NOD1: variants seen among roughly 807,000 people sequenced by gnomAD.
NOD1 encodes nucleotide-binding oligomerization domain-containing protein 1.
Under a neutral mutation model 81.2 loss-of-function variants are expected in NOD1, and 70 were observed. The observed-to-expected ratio is 0.86, with a 90% CI of 0.71 to 1.05. The LOEUF is 1.05. NOD1 is among the 50% of genes least tolerant of loss of function. The probability of loss-of-function intolerance (pLI) is 0.00; values close to 1 mark genes in which losing one functional copy is unlikely to be tolerated. For synonymous variants in NOD1, 508 were observed against 526.9 expected (o/e 0.96, Z 0.49); for missense variants, 1,233 against 1,228.0 (o/e 1.00, Z -0.06).
At chr7:30,450,963 T>C (rs1329391168) in intron 6 of NOD1, among the ~76,000 whole-genome samples, 1 of 152,210 alleles carries the variant, frequency 6.6e-6, no homozygotes, top group Non-Finnish European at 1.5e-5. Flanking sequence ...GCATCTTCTT[T>C]TTCCAGATGA....
chr7:30,471,971 T>C (rs1788321018), intron 1 of NOD1, among the ~76,000 whole-genome samples: 2 of 152,212 alleles, frequency 1.3e-5, no homozygotes, highest in Admixed American at 6.5e-5. Context: ...TTCACTTTGT[T>C]TTGAGCCTCA....
intron 9 of NOD1, 137 bp from the exon 10 acceptor site, chr7:30,437,793 T>G: frequency 5.0e-6 from 3 of 594,574 alleles, no homozygotes; most frequent in Admixed American, 8.4e-5. Context: ...ATCTGTGGCC[T>G]GGACACTAAT....
chr7:30,451,204 T>G lies in NOD1; in HGVS notation c.2201+12A>C. The G allele has an allele frequency of 6.2e-7, 1 of 1,607,088 alleles. No homozygotes were observed. On this transcript the variant is annotated intron_variant, in intron 6 of 13. Transcript: ENST00000222823. The surrounding 1 kb of genome is among the most constrained non-coding windows in gnomAD (Gnocchi z 4.2). ...CGGCCCACCTGTTGCTCCCCTTGCCTGGCAGCCTCACCTGAGAACAGTGAG... is the reference window on the plus strand; with the variant it reads ...CGGCCCACCTGTTGCTCCCCTTGCCGGGCAGCCTCACCTGAGAACAGTGAG...
chr7:30,476,935 T>C (rs1788839093), intron 1 of NOD1, among the ~76,000 whole-genome samples: 1 of 152,220 alleles, frequency 6.6e-6, no homozygotes, highest in Non-Finnish European at 1.5e-5. Flanking sequence ...AAACTGCCAC[T>C]CCAGTGTCTA....
At chr7:30,429,828 G>A (rs932982446) in intron 12 of NOD1, among the ~76,000 whole-genome samples, 16 of 152,192 alleles carry the variant, frequency 1.1e-4, no homozygotes, top group Admixed American at 7.2e-4. Context: ...TCAGGAGATC[G>A]ATACCATCCT....
In NOD1 at chr7:30,452,581, G is replaced by A. The variant is rs1439428175; in HGVS notation, c.836C>T (p.Ala279Val). The A allele has an allele frequency of 6.2e-7, 1 of 1,613,520 alleles. No homozygotes were observed. The highest frequency in any genetic ancestry group is 1.1e-5 in the South Asian group (1 of 91,086). The change falls in exon 6 of 14, where the codon GCC becomes GTC. Residue 279 changes from alanine (A) to valine (V), a missense_variant. By Grantham distance (64) the Ala-to-Val change is moderately conservative (BLOSUM62 0). Coordinates refer to ENST00000222823, the MANE Select transcript of NOD1 (RefSeq NM_006092.4). ...FAFLLRFPHV[A>V]LFTFDGLDEL... The stretch of plus-strand genomic sequence containing the variant: ...GTCCAGGCCATCGAAGGTGAAGAGG[G>A]CCACGTGGGGGAAGCGCAGCAGGAA...
At chr7:30,466,430 C>T (rs1787699883) in intron 1 of NOD1, among the ~76,000 whole-genome samples, 1 of 152,006 alleles carries the variant, frequency 6.6e-6, no homozygotes, top group Non-Finnish European at 1.5e-5. Flanking sequence ...CAGCTCAGGC[C>T]CACAAATAAC....
chr7:30,430,150 C>T (rs2127990994), intron 12 of NOD1, among the ~76,000 whole-genome samples: 1 of 152,242 alleles, frequency 6.6e-6, no homozygotes, highest in African/African-American at 2.4e-5. Flanking sequence ...AGTTAAGAGG[C>T]TACCAACATG....
rs1307781074 is a variant in NOD1, at chr7:30,451,654, GT to G, written c.1762del (p.Thr588ProfsTer26). 4.3e-6 allele frequency: 7 copies of G among 1,613,864 alleles called. No homozygotes were observed. Among genetic ancestry groups the G allele is most frequent in the Non-Finnish European group, 1.7e-6 (2 of 1,180,052 alleles). On this transcript the variant is annotated frameshift_variant, in exon 6 of 14. Transcript: ENST00000222823. LOFTEE classifies it high-confidence loss of function. The surrounding 1 kb of genome is among the most constrained non-coding windows in gnomAD (Gnocchi z 4.2). Reference protein sequence around the residue: ...LFKNKDHFQFTNLFLCGLLSK... With the variant: ...LFKNKDHFQFXNLFLCGLLSK... ...CAACAGCCCGCACAGGAAGAGGTTGGTGAACTGGAAGTGATCCTTGTTCTTG... is the reference window on the plus strand; with the variant it reads ...CAACAGCCCGCACAGGAAGAGGTTGGGAACTGGAAGTGATCCTTGTTCTTG...
rs1331884295 is a variant in NOD1, at chr7:30,432,945, G to GA, written c.2705+150dup. On this transcript the variant is annotated intron_variant, in intron 12 of 13. Coordinates refer to ENST00000222823, the MANE Select transcript of NOD1 (RefSeq NM_006092.4). ...GCTTTTTGGAGTGGGGAGGAGGAGT[G>GA]AAAATGTTCTAGAATTAGGTGGTGA... 5.5e-5 allele frequency: 35 copies of GA among 637,618 alleles called. No homozygotes were observed. In the East Asian group the frequency reaches 9.4e-4, roughly 17 times the overall value. 39.5% of individuals were successfully genotyped at this position (637,618 alleles called of 1,614,324 possible).
intron 5 of NOD1, 90 bp downstream of exon 5, chr7:30,455,047 G>T: frequency 1.6e-6 from 2 of 1,264,834 alleles, no homozygotes; most frequent in Non-Finnish European, 1.1e-6. Flanking sequence ...TGCTTCCTGA[G>T]GTGGCACTCA....
In NOD1 at chr7:30,456,913, C is replaced by T. The variant is rs369740466; in HGVS notation, c.9G>A (p.Glu3=). 85 of 1,614,006 alleles carry T rather than the reference C, an allele frequency of 5.3e-5. No homozygotes were observed. The highest frequency in any genetic ancestry group is 6.8e-5 in the Non-Finnish European group (80 of 1,179,954). Residue 3 remains glutamate (E), a synonymous_variant, in exon 4 of 14, where the codon GAG becomes GAA. Coordinates refer to ENST00000222823, the MANE Select transcript of NOD1 (RefSeq NM_006092.4). ...TTATTTCCATCTCACTGTGGCCCTG[C>T]TCTTCCATAGTTAAAGTAGCAAGCG... ME[E]QGHSEMEIIP...
chr7:30,427,793 G>C (rs11532695), intron 13 of NOD1, among the ~76,000 whole-genome samples: 12,566 of 152,282 alleles, frequency 0.083, 721 homozygotes, highest in South Asian at 0.14. Context: ...AGCAACTGTA[G>C]GTCTTTACTA....
intron 9 of NOD1, among the ~76,000 whole-genome samples, chr7:30,437,866 G>A (rs543232787): frequency 1.5e-4 from 23 of 152,322 alleles, no homozygotes; most frequent in South Asian, 2.1e-4. Flanking sequence ...ATGCAAGATC[G>A]AAGAGCAGGG....
At chr7:30,476,535 T>C (rs915934816) in intron 1 of NOD1, among the ~76,000 whole-genome samples, 2 of 152,218 alleles carry the variant, frequency 1.3e-5, no homozygotes, top group Non-Finnish European at 2.9e-5. Flanking sequence ...ACCAAGGGTA[T>C]GGTCTGAGGA....
rs1006407052 is a variant in NOD1 at position 30,425,189 on chromosome 7, A to G, written c.*449T>C. 5 of 186,910 alleles carry G rather than the reference A, an allele frequency of 2.7e-5. No homozygotes were observed. Among genetic ancestry groups the G allele is most frequent in the African/African-American group, 1.2e-4 (5 of 42,128 alleles). The allele number at this position is 186,910 out of a possible 1,614,324, so 11.6% of individuals were successfully genotyped here. Reference sequence around the variant, plus strand: ...TTCAGGTATAATACTAATCCATCAAACACGTTTTATTCAAGAAGCTTGGCA... The same window carrying G: ...TTCAGGTATAATACTAATCCATCAAGCACGTTTTATTCAAGAAGCTTGGCA... On this transcript the variant is annotated 3_prime_UTR_variant, in exon 14 of 14. Transcript: ENST00000222823.
chr7:30,432,355 CATT>C (rs1784023374), intron 12 of NOD1, among the ~76,000 whole-genome samples: 2 of 152,156 alleles, frequency 1.3e-5, no homozygotes, highest in Non-Finnish European at 2.9e-5. Flanking sequence ...AGACATTCAA[CATT>C]GTTGTCATCA....
Position 30,425,534 on chromosome 7 carries a change from C to T in NOD1, c.*104G>A, listed in dbSNP as rs1783369517. ...GGAGGCAGTGGACTCCTGATAGTCC[C>T]GCCTGCGCAGGCCCCTTTAAGACAC... On this transcript the variant is annotated 3_prime_UTR_variant, in exon 14 of 14. Transcript: ENST00000222823. 8 of 839,212 alleles carry T rather than the reference C, an allele frequency of 9.5e-6. No homozygotes were observed. The highest frequency in any genetic ancestry group is 5.4e-5 in the Admixed American group (3 of 55,966). The allele number at this position is 839,212 out of a possible 1,614,324, so 52.0% of individuals were successfully genotyped here.
chr7:30,451,302 C>G lies in NOD1; in HGVS notation c.2115G>C (p.Arg705=), dbSNP rs748523835. 6 of 1,614,090 alleles carry G rather than the reference C, an allele frequency of 3.7e-6. No homozygotes were observed. In the African/African-American group the frequency reaches 6.7e-5, roughly 18 times the overall value. Residue 705 remains arginine, a synonymous_variant, in exon 6 of 14, where the codon CGG becomes CGC. Transcript: ENST00000222823. The surrounding 1 kb of genome is among the most constrained non-coding windows in gnomAD (Gnocchi z 4.2). ...TGTTGTTGTCTAGGTCTAGGGCCAG[C>G]CGCTTGGGGAAGTGATGCAGGACGA... The part of the protein sequence containing the change: ...LSFVLHHFPK[R]LALDLDNNNL...
Sources: gnomAD v4.1 joint callset for allele counts (sites outside exome capture counted in the v4.1 genomes callset) on GRCh38, gnomAD v4.1.1 for gene constraint, Gnocchi (gnomAD v3.1) non-coding constraint, MANE v1.5 for transcripts, NCBI Gene and HGNC (gene_info 2026-07-23, HGNC 2026-07-21) for gene names.